Variants in ADAMTSL1 observed in about 807,000 individuals in gnomAD.
The protein encoded by ADAMTSL1 is ADAMTS-like protein 1.
In ADAMTSL1, 126 loss-of-function variants were observed where a neutral mutation model predicts 201.8. The ratio of observed to expected loss-of-function variants is 0.62; its 90% CI spans 0.54 to 0.72. The LOEUF (loss-of-function observed/expected upper bound fraction) is 0.72. Among genes scored for constraint, ADAMTSL1 ranks in the 30% least tolerant of loss-of-function variants. The pLI, the probability that ADAMTSL1 is intolerant of heterozygous loss-of-function variation, is 0.00. For missense variants in ADAMTSL1, 2,679 were observed against 2,277.8 expected (o/e 1.18, Z -3.59); for synonymous variants, 1,121 against 903.4 (o/e 1.24, Z -4.32).
chr9:18,806,565 A>G (rs1823132968), intron 20 of ADAMTSL1, among the ~76,000 whole-genome samples: 2 of 152,240 alleles, frequency 1.3e-5, no homozygotes, highest in South Asian at 4.1e-4. Flanking sequence ...CATTCAAAAA[A>G]CAAACTTTCC....
intron 1 of ADAMTSL1, among the ~76,000 whole-genome samples, chr9:18,149,401 T>C (rs1826805660): frequency 6.6e-6 from 1 of 151,960 alleles, no homozygotes; most frequent in African/African-American, 2.4e-5. Flanking sequence ...TAGGGATAAA[T>C]GGAGACCCAA....
intron 1 of ADAMTSL1, among the ~76,000 whole-genome samples, chr9:18,499,290 A>G (rs1822707249): frequency 6.6e-6 from 1 of 152,270 alleles, no homozygotes; most frequent in African/African-American, 2.4e-5. Flanking sequence ...AAGAAAGTAC[A>G]TCAAAAAGCT....
chr9:18,889,558 C>T lies in ADAMTSL1; in HGVS notation c.4463-10C>T. 1.2e-6 allele frequency: 2 copies of T among 1,613,344 alleles called. No individual in the cohort carries two copies. Among genetic ancestry groups the T allele is most frequent in the Non-Finnish European group, 8.5e-7 (1 of 1,179,598 alleles). On this transcript the variant is annotated splice_polypyrimidine_tract_variant and intron_variant, in intron 24 of 28. Transcript: ENST00000380548. The stretch of plus-strand genomic sequence containing the variant: ...TATTCTTTTCTACACTGCTCCTCCT[C>T]CCATGACAGATTACTGGTGGTCTGT...
intron 16 of ADAMTSL1, among the ~76,000 whole-genome samples, chr9:18,768,224 G>C (rs1162744263): frequency 6.6e-6 from 1 of 152,190 alleles, no homozygotes; most frequent in Non-Finnish European, 1.5e-5. Flanking sequence ...GTGCTGATCA[G>C]GCTGGGAGCC....
intron 23 of ADAMTSL1, among the ~76,000 whole-genome samples, chr9:18,869,977 G>C (rs1280592536): frequency 1.3e-5 from 2 of 151,414 alleles, no homozygotes; most frequent in African/African-American, 4.9e-5. Context: ...GATAATTTAT[G>C]TGGAACTTCA....
intron 21 of ADAMTSL1, among the ~76,000 whole-genome samples, chr9:18,821,334 A>T (rs991794229): frequency 6.6e-6 from 1 of 152,110 alleles, no homozygotes; most frequent in African/African-American, 2.4e-5. Context: ...GGGTCACAGG[A>T]TGCTGGTGGG....
In ADAMTSL1 at chr9:18,721,530, A is replaced by G; in HGVS notation, c.1877-6A>G. 7 of 1,613,786 alleles carry G rather than the reference A, an allele frequency of 4.3e-6. No individual in the cohort carries two copies. Among genetic ancestry groups the G allele is most frequent in the Non-Finnish European group, 5.9e-6 (7 of 1,179,798 alleles). On this transcript the variant is annotated splice_region_variant and splice_polypyrimidine_tract_variant and intron_variant, in intron 14 of 28. Transcript: ENST00000380548. Reference sequence around the variant, plus strand: ...ACTCTGGCCTGACCGTGTGATTTGTACACAGGTGTCCAGGAGGCTGTGGTG... The same window carrying G: ...ACTCTGGCCTGACCGTGTGATTTGTGCACAGGTGTCCAGGAGGCTGTGGTG...
chr9:18,759,878 G>A (rs1252607146), intron 16 of ADAMTSL1, among the ~76,000 whole-genome samples: 3 of 152,142 alleles, frequency 2.0e-5, no homozygotes. Context: ...TAAGACTTCT[G>A]TTCTCATTTT....
At chr9:18,015,905 T>C (rs887599876) in intron 1 of ADAMTSL1, among the ~76,000 whole-genome samples, 7 of 152,068 alleles carry the variant, frequency 4.6e-5, no homozygotes, top group African/African-American at 1.7e-4. Context: ...CATCTGAGTA[T>C]TGCCATACCC....
intron 1 of ADAMTSL1, among the ~76,000 whole-genome samples, chr9:18,002,279 G>A (rs1474698918): frequency 6.6e-6 from 1 of 151,930 alleles, no homozygotes; most frequent in Non-Finnish European, 1.5e-5. Flanking sequence ...CACAGAAATA[G>A]AAGACTAAAA....
At chr9:18,226,740 A>T (rs763352891) in intron 2 of ADAMTSL1, among the ~76,000 whole-genome samples, 1 of 152,112 alleles carries the variant, frequency 6.6e-6, no homozygotes, top group Admixed American at 6.6e-5. Context: ...TTTGTCCACT[A>T]GATTTGAAAG....
At chr9:18,375,929 C>T in intron 2 of ADAMTSL1, among the ~76,000 whole-genome samples, 1 of 152,112 alleles carries the variant, frequency 6.6e-6, no homozygotes, top group East Asian at 1.9e-4. Context: ...TTACAGAGCA[C>T]TGATTGGTCC....
At chr9:18,186,487 T>C (rs1412755851) in intron 2 of ADAMTSL1, among the ~76,000 whole-genome samples, 4 of 152,142 alleles carry the variant, frequency 2.6e-5, no homozygotes, top group Non-Finnish European at 5.9e-5. Flanking sequence ...ATCCTAGTCA[T>C]GTCACCTGCC....
chr9:18,655,883 A>G (rs572601667), intron 7 of ADAMTSL1, among the ~76,000 whole-genome samples: 23 of 150,550 alleles, frequency 1.5e-4, no homozygotes, highest in Non-Finnish European at 2.4e-4. Flanking sequence ...TAAGCAAGCA[A>G]TTAGGTACCC....
intron 1 of ADAMTSL1, among the ~76,000 whole-genome samples, chr9:18,010,528 A>G (rs1416128458): frequency 6.6e-6 from 1 of 152,038 alleles, no homozygotes; most frequent in Non-Finnish European, 1.5e-5. Context: ...ATTGTGAACT[A>G]GAGTGAGTAA....
At chr9:18,531,132 A>G (rs1819417852) in intron 2 of ADAMTSL1, among the ~76,000 whole-genome samples, 1 of 152,206 alleles carries the variant, frequency 6.6e-6, no homozygotes, top group South Asian at 2.1e-4. Context: ...TGAGATGAAT[A>G]TTTCAAACTA....
intron 1 of ADAMTSL1, among the ~76,000 whole-genome samples, chr9:18,479,148 A>G (rs983135162): frequency 6.6e-6 from 1 of 152,192 alleles, no homozygotes; most frequent in Non-Finnish European, 1.5e-5. Context: ...AATCTCCCCA[A>G]TTCCCGAACT....
At chr9:18,040,559 C>G (rs993636193) in intron 1 of ADAMTSL1, among the ~76,000 whole-genome samples, 1 of 152,116 alleles carries the variant, frequency 6.6e-6, no homozygotes, top group African/African-American at 2.4e-5. Flanking sequence ...CTTGAGCAGT[C>G]CTGCCATAGT....
intron 1 of ADAMTSL1, among the ~76,000 whole-genome samples, chr9:18,099,955 C>T (rs1171401584): frequency 1.3e-5 from 2 of 152,012 alleles, no homozygotes; most frequent in African/African-American, 4.8e-5. Context: ...TTTTCACTTT[C>T]TATTTATGAA....
Sources: gnomAD v4.1 joint callset for allele counts (sites outside exome capture counted in the v4.1 genomes callset) on GRCh38, gnomAD v4.1.1 for gene constraint, MANE v1.5 for transcripts, NCBI Gene and HGNC (gene_info 2026-07-23, HGNC 2026-07-21) for gene names.